AEBP2: variants seen among roughly 807,000 people sequenced by gnomAD.
AEBP2 encodes the protein zinc finger protein AEBP2.
A neutral mutation model predicts 50.8 loss-of-function variants in AEBP2; 10 were observed. That is an observed-to-expected ratio of 0.20 (90% CI 0.12 to 0.33). The LOEUF (loss-of-function observed/expected upper bound fraction) is 0.33. AEBP2 is among the 10% of genes least tolerant of loss of function. The pLI, the probability that AEBP2 is intolerant of heterozygous loss-of-function variation, is 1.00. For missense variants in AEBP2, 570 were observed against 688.0 expected, an observed-to-expected ratio of 0.83 and a Z score of 1.92; for synonymous variants, 296 against 261.3, an observed-to-expected ratio of 1.13 and a Z score of -1.28.
chr12:19,412,569 C>T (rs1188905595), intron 1 of AEBP2, among the ~76,000 whole-genome samples: 1 of 151,838 alleles, frequency 6.6e-6, no homozygotes, highest in Non-Finnish European at 1.5e-5. Flanking sequence ...TGAGCCACTG[C>T]ACCCGGCCTC....
chr12:19,485,819 G>T (rs1948799844), intron 3 of AEBP2, among the ~76,000 whole-genome samples: 1 of 151,748 alleles, frequency 6.6e-6, no homozygotes, highest in South Asian at 2.1e-4. Context: ...CTTCAATAGT[G>T]ACCTATGAGA....
At chr12:19,472,542 A>C (rs1429234062) in intron 2 of AEBP2, among the ~76,000 whole-genome samples, 2 of 152,138 alleles carry the variant, frequency 1.3e-5, no homozygotes, top group Non-Finnish European at 2.9e-5. Flanking sequence ...AGGGTAGCTC[A>C]TGTCTGTTGT....
chr12:19,453,164 T>C (rs576176886), intron 1 of AEBP2, among the ~76,000 whole-genome samples: 98 of 152,048 alleles, frequency 6.4e-4, no homozygotes, highest in Non-Finnish European at 1.2e-3. Context: ...AAAGATGGAG[T>C]TTCACTGTGT....
At chr12:19,471,228 C>T (rs1948568247) in intron 2 of AEBP2, among the ~76,000 whole-genome samples, 1 of 152,096 alleles carries the variant, frequency 6.6e-6, no homozygotes. Context: ...AAGCAATTCT[C>T]CCACCTCAGC....
chr12:19,456,589 G>A, intron 1 of AEBP2: 1 of 1,538,294 alleles, frequency 6.5e-7, no homozygotes, highest in African/African-American at 1.4e-5. Context: ...TGGCCTGGAA[G>A]GTTCAGGATA....
chr12:19,504,923 C>T (rs903677450), intron 5 of AEBP2, among the ~76,000 whole-genome samples: 1 of 151,924 alleles, frequency 6.6e-6, no homozygotes, highest in Non-Finnish European at 1.5e-5. Flanking sequence ...AATTTGGAGT[C>T]AAAGGCAAGA....
intron 1 of AEBP2, among the ~76,000 whole-genome samples, chr12:19,420,964 C>T (rs1565696392): frequency 6.6e-6 from 1 of 152,112 alleles, no homozygotes; most frequent in Non-Finnish European, 1.5e-5. Flanking sequence ...ATTTCTTCCC[C>T]AGGGTATTTA....
At chr12:19,414,923 CAA>C (rs75855242) in intron 1 of AEBP2, among the ~76,000 whole-genome samples, 4 of 118,314 alleles carry the variant, frequency 3.4e-5, no homozygotes, top group Non-Finnish European at 1.8e-5. Flanking sequence ...ATTCTATCTC[CAA>C]AAAAAAAAAA....
chr12:19,457,168 T>C, intron 1 of AEBP2: 1 of 1,597,670 alleles, frequency 6.3e-7, no homozygotes, highest in Non-Finnish European at 8.5e-7. Flanking sequence ...CTCAGTGGAA[T>C]CCATTTTGTT....
At chr12:19,477,932 A>G (rs1948673447) in intron 3 of AEBP2, among the ~76,000 whole-genome samples, 1 of 152,164 alleles carries the variant, frequency 6.6e-6, no homozygotes, top group Admixed American at 6.6e-5. Context: ...TGTATTTCCC[A>G]GAGTTTATCC....
intron 5 of AEBP2, chr12:19,509,158 A>ATTT (rs1252155625): frequency 2.2e-6 from 1 of 448,904 alleles, no homozygotes; most frequent in Admixed American, 2.8e-5. Flanking sequence ...TGTGTGCTAA[A>ATTT]TGTGTTTGTG....
intron 1 of AEBP2, among the ~76,000 whole-genome samples, chr12:19,459,022 T>C (rs977375417): frequency 7.9e-5 from 12 of 152,194 alleles, no homozygotes; most frequent in African/African-American, 2.9e-4. Context: ...CCATATCACA[T>C]TGAGTTTTTA....
chr12:19,503,713 A>T (rs1384228644), intron 5 of AEBP2, among the ~76,000 whole-genome samples: 2 of 151,710 alleles, frequency 1.3e-5, no homozygotes, highest in Non-Finnish European at 2.9e-5. Context: ...TTATAGAGAC[A>T]GGATCTTGCT....
intron 3 of AEBP2, among the ~76,000 whole-genome samples, chr12:19,493,458 G>A (rs1481881942): frequency 6.6e-6 from 1 of 152,076 alleles, no homozygotes; most frequent in Non-Finnish European, 1.5e-5. Context: ...ATTATTTGTT[G>A]CAAAAACAGC....
intron 1 of AEBP2, among the ~76,000 whole-genome samples, chr12:19,455,082 A>G (rs536809747): frequency 6.6e-6 from 1 of 151,338 alleles, no homozygotes; most frequent in Non-Finnish European, 1.5e-5. Context: ...AGCTCACTGC[A>G]GCCTTGGACT....
At chr12:19,474,337 C>T (rs1033685051) in intron 3 of AEBP2, among the ~76,000 whole-genome samples, 1 of 152,076 alleles carries the variant, frequency 6.6e-6, no homozygotes, top group African/African-American at 2.4e-5. Flanking sequence ...GAATACTGTG[C>T]CAGTTATTTC....
At chr12:19,421,064 G>A (rs1467483883) in intron 1 of AEBP2, among the ~76,000 whole-genome samples, 1 of 152,156 alleles carries the variant, frequency 6.6e-6, no homozygotes, top group African/African-American at 2.4e-5. Context: ...CTTGAGAGGG[G>A]TTGGGCGAGG....
chr12:19,479,918 A>G (rs7298064), intron 3 of AEBP2, among the ~76,000 whole-genome samples: 65,041 of 151,060 alleles, frequency 0.43, 15,016 homozygotes, highest in Non-Finnish European at 0.54. Flanking sequence ...GGTTGGTGGA[A>G]TTTTATCCAT....
intron 3 of AEBP2, among the ~76,000 whole-genome samples, chr12:19,493,299 G>T (rs1948921602): frequency 6.6e-6 from 1 of 152,106 alleles, no homozygotes; most frequent in Admixed American, 6.5e-5. Context: ...TACTCGGGAG[G>T]CTGAGGCACA....
Sources: allele counts gnomAD v4.1 joint callset (sites outside exome capture counted in the v4.1 genomes callset), GRCh38; gene constraint gnomAD v4.1.1; transcripts MANE v1.5; gene names NCBI Gene and HGNC (gene_info 2026-07-23, HGNC 2026-07-21).